Variants in UBE2N observed in about 807,000 individuals in gnomAD.
UBE2N encodes ubiquitin-conjugating enzyme E2 N.
For missense variants in UBE2N, 60 were observed against 192.1 expected (o/e 0.31, Z 4.07); for synonymous variants, 70 against 69.2 (o/e 1.01, Z -0.06).
chr12:93,430,486 AG>A (rs1878729859), intron 1 of UBE2N, among the ~76,000 whole-genome samples: 1 of 152,036 alleles, frequency 6.6e-6, no homozygotes, highest in South Asian at 2.1e-4. Flanking sequence ...CTGGGTGGGG[AG>A]GGGGAGGAAA....
chr12:93,414,966 T>C (rs991566181), intron 1 of UBE2N, among the ~76,000 whole-genome samples: 4 of 152,246 alleles, frequency 2.6e-5, no homozygotes, highest in African/African-American at 9.6e-5. Flanking sequence ...ATTCTGAATC[T>C]ATTTGATGTT....
At position 93,410,765 on chromosome 12, in the gene UBE2N, C is replaced by A; in HGVS notation, c.387G>T (p.Trp129Cys). The A allele has an allele frequency of 6.2e-7, 1 of 1,614,190 alleles. No homozygotes were observed. The part of the protein sequence containing the change: ...DPLANDVAEQ[W>C]KTNEAQAIET... ...CTATGGCTTGGGCTTCGTTGGTCTT[C>A]CACTGCTCCGCTACATCATTTGCTA... The change falls in exon 3 of 4, where the codon TGG becomes TGT. Residue 129 changes from tryptophan to cysteine, a missense_variant. Transcript: ENST00000318066.
intron 1 of UBE2N, among the ~76,000 whole-genome samples, chr12:93,433,046 C>T (rs1243499820): frequency 6.6e-6 from 1 of 151,226 alleles, no homozygotes; most frequent in Non-Finnish European, 1.5e-5. Context: ...CATTCTCCTG[C>T]CTCAGCCTCC....
intron 1 of UBE2N, among the ~76,000 whole-genome samples, chr12:93,434,841 T>TAA (rs1878883177): frequency 6.6e-6 from 1 of 152,180 alleles, no homozygotes. Flanking sequence ...ATTCCAAAGG[T>TAA]GATTTTAATT....
At chr12:93,434,304 T>C (rs1251120558) in intron 1 of UBE2N, among the ~76,000 whole-genome samples, 1 of 152,020 alleles carries the variant, frequency 6.6e-6, no homozygotes, top group Non-Finnish European at 1.5e-5. Flanking sequence ...AAAAAAAAAC[T>C]CTGGTTTTAA....
intron 1 of UBE2N, among the ~76,000 whole-genome samples, chr12:93,434,394 G>C (rs1185652679): frequency 6.6e-6 from 1 of 152,208 alleles, no homozygotes; most frequent in Non-Finnish European, 1.5e-5. Context: ...CAGTCATTTA[G>C]CACAGTGAAT....
chr12:93,434,774 C>T (rs1878880848), intron 1 of UBE2N, among the ~76,000 whole-genome samples: 1 of 152,212 alleles, frequency 6.6e-6, no homozygotes, highest in Admixed American at 6.5e-5. Context: ...AGTGAGACAA[C>T]TGAAAGAACT....
intron 1 of UBE2N, among the ~76,000 whole-genome samples, chr12:93,430,351 T>C (rs1320535181): frequency 6.6e-6 from 1 of 152,166 alleles, no homozygotes; most frequent in Non-Finnish European, 1.5e-5. Flanking sequence ...AAATTGCCTA[T>C]GGTGCATTTC....
chr12:93,422,671 T>C (rs1261857598), intron 1 of UBE2N, among the ~76,000 whole-genome samples: 1 of 152,182 alleles, frequency 6.6e-6, no homozygotes, highest in Non-Finnish European at 1.5e-5. Context: ...ACCAGTGAAC[T>C]TGGTTTTTTT....
rs574950703 is a variant in UBE2N, at chr12:93,410,187, T to C, written c.419-108A>G. On this transcript the variant is annotated intron_variant, in intron 3 of 3. Transcript: ENST00000318066. ...TATTAATTATGGAAATGTCATGCTG[T>C]AATCTGTTAAATTCACGCCTTTTTC... The C allele has an allele frequency of 1.8e-5, 20 of 1,110,726 alleles. No individual in the cohort carries two copies. In the East Asian group the frequency reaches 5.2e-4, roughly 29 times the overall value. The allele number at this position is 1,110,726 out of a possible 1,614,324, so 68.8% of individuals were successfully genotyped here.
intron 1 of UBE2N, among the ~76,000 whole-genome samples, chr12:93,431,490 G>T (rs976308848): frequency 6.6e-6 from 1 of 152,070 alleles, no homozygotes; most frequent in Non-Finnish European, 1.5e-5. Flanking sequence ...TATAAAATAG[G>T]AATGATACTA....
intron 1 of UBE2N, among the ~76,000 whole-genome samples, chr12:93,423,745 T>A (rs1878488839): frequency 6.6e-6 from 1 of 152,238 alleles, no homozygotes; most frequent in Non-Finnish European, 1.5e-5. Context: ...TACTTTATTA[T>A]TATTAGAATG....
chr12:93,412,622 C>T (rs1878061958), intron 1 of UBE2N, among the ~76,000 whole-genome samples: 1 of 152,210 alleles, frequency 6.6e-6, no homozygotes, highest in Non-Finnish European at 1.5e-5. Context: ...TAACCTGACG[C>T]GTCCACCCTA....
chr12:93,417,329 A>C (rs1878250249), intron 1 of UBE2N, among the ~76,000 whole-genome samples: 1 of 152,216 alleles, frequency 6.6e-6, no homozygotes, highest in South Asian at 2.1e-4. Flanking sequence ...AATTATAACA[A>C]CTGACATTCT....
chr12:93,441,572 C>T (rs1442241730), intron 1 of UBE2N, among the ~76,000 whole-genome samples: 3 of 152,032 alleles, frequency 2.0e-5, no homozygotes, highest in East Asian at 3.9e-4. Context: ...AGCCTTGCCG[C>T]CCCACCCTCC....
chr12:93,415,858 C>T (rs970985316), intron 1 of UBE2N, among the ~76,000 whole-genome samples: 3 of 152,136 alleles, frequency 2.0e-5, no homozygotes, highest in East Asian at 1.9e-4. Context: ...CCTCCAAAAG[C>T]GTATCCCAAA....
Position 93,410,774 on chromosome 12 carries a change from C to A in UBE2N, c.378G>T (p.Ala126=). The A allele has an allele frequency of 3.1e-6, 5 of 1,614,174 alleles. No homozygotes were observed. The highest frequency in any genetic ancestry group is 4.2e-6 in the Non-Finnish European group (5 of 1,180,040). ...GGGCTTCGTTGGTCTTCCACTGCTC[C>A]GCTACATCATTTGCTAATGGATCAT... ...NPDDPLANDV[A]EQWKTNEAQA... The change falls in exon 3 of 4, where the codon GCG becomes GCT. Residue 126 remains alanine (A), a synonymous_variant. Coordinates refer to ENST00000318066, the MANE Select transcript of UBE2N (RefSeq NM_003348.4).
At chr12:93,434,379 A>T (rs554326751) in intron 1 of UBE2N, among the ~76,000 whole-genome samples, 2 of 152,388 alleles carry the variant, frequency 1.3e-5, no homozygotes, top group East Asian at 3.8e-4. Context: ...TAACATTTCC[A>T]GTCACAGTCA....
intron 3 of UBE2N, chr12:93,410,338 TCCC>T (rs1877995930): frequency 4.0e-6 from 2 of 495,796 alleles, no homozygotes; most frequent in Non-Finnish European, 7.1e-6. Context: ...TACACAATTC[TCCC>T]CACTAATTTT....
Sources: gnomAD v4.1 joint callset for allele counts (sites outside exome capture counted in the v4.1 genomes callset) on GRCh38, gnomAD v4.1.1 for gene constraint, MANE v1.5 for transcripts, NCBI Gene and HGNC (gene_info 2026-07-23, HGNC 2026-07-21) for gene names.